Variants in CIMAP1D observed in about 807,000 individuals in gnomAD.
CIMAP1D encodes CIMAP1 family member D, also known as protein CIMAP1D.
At chr19:490,992 C>T in the CIMAP1D span, among the ~76,000 whole-genome samples, 4 of 152,068 alleles carry the variant, frequency 2.6e-5, no homozygotes, top group East Asian at 7.7e-4. Context: ...CCAGCTACTC[C>T]GGAGTCTGAG....
At chr19:490,358 A>T in the CIMAP1D span, 1 of 193,898 alleles carries the variant, frequency 5.2e-6, no homozygotes, top group African/African-American at 2.4e-5. Flanking sequence ...CTCCAGCTAA[A>T]AAAAAAAGAA....
chr19:481,436 G>GT, the CIMAP1D span, among the ~76,000 whole-genome samples: 1 of 78,526 alleles, frequency 1.3e-5, no homozygotes. Context: ...GAAGGATGAT[G>GT]GGGAAGGATG....
chr19:478,051 C>T, the CIMAP1D span, among the ~76,000 whole-genome samples: 1 of 152,248 alleles, frequency 6.6e-6, no homozygotes, highest in Non-Finnish European at 1.5e-5. Context: ...AGCCCACAGG[C>T]CCTGTCACTG....
At chr19:477,695 C>T in the CIMAP1D span, among the ~76,000 whole-genome samples, 3 of 152,246 alleles carry the variant, frequency 2.0e-5, no homozygotes, top group Non-Finnish European at 4.4e-5. Context: ...CGGAGTCTCG[C>T]TCTGTCGCCC....
chr19:469,286 T>C, the CIMAP1D span, among the ~76,000 whole-genome samples: 11 of 151,044 alleles, frequency 7.3e-5, no homozygotes, highest in Non-Finnish European at 1.6e-4. Context: ...CAGTGGCTCA[T>C]GGCTCACTGC....
chr19:470,814 G>A, the CIMAP1D span, among the ~76,000 whole-genome samples: 10 of 152,350 alleles, frequency 6.6e-5, no homozygotes, highest in African/African-American at 2.4e-4. Flanking sequence ...TGGTAGCAGC[G>A]CCACTGATGA....
the CIMAP1D span, chr19:474,661 G>A: frequency 2.3e-5 from 37 of 1,582,468 alleles, no homozygotes; most frequent in East Asian, 4.7e-5. Context: ...TCCTCAGGCC[G>A]GTCTCCGGAA....
chr19:490,363 AAAG>A, the CIMAP1D span: 15 of 175,992 alleles, frequency 8.5e-5, no homozygotes, highest in African/African-American at 2.4e-4. Context: ...GCTAAAAAAA[AAAG>A]AAAGAAAGAA....
At chr19:466,782 T>TGGA in the CIMAP1D span, among the ~76,000 whole-genome samples, 1 of 104,736 alleles carries the variant, frequency 9.5e-6, no homozygotes, top group Admixed American at 1.1e-4. Context: ...GATGAGTGGA[T>TGGA]TGATGGATGG....
At chr19:476,513 T>C in the CIMAP1D span, among the ~76,000 whole-genome samples, 1 of 152,180 alleles carries the variant, frequency 6.6e-6, no homozygotes, top group Non-Finnish European at 1.5e-5. Context: ...TTAACAGCTT[T>C]ATTGATATAA....
chr19:489,357 C>G, the CIMAP1D span: 1 of 153,620 alleles, frequency 6.5e-6, no homozygotes, highest in African/African-American at 2.4e-5. Context: ...CGGCCCCGAC[C>G]TCTGACCCGC....
chr19:467,310 G>A, the CIMAP1D span, among the ~76,000 whole-genome samples: 2 of 151,934 alleles, frequency 1.3e-5, no homozygotes, highest in African/African-American at 4.8e-5. Flanking sequence ...AGGCAGGTGT[G>A]TCAGGTGTGC....
the CIMAP1D span, chr19:467,864 G>T: frequency 1.4e-6 from 1 of 712,302 alleles, no homozygotes; most frequent in Non-Finnish European, 2.4e-6. Flanking sequence ...CTCCCACCAG[G>T]TCAGAGGCCA....
the CIMAP1D span, among the ~76,000 whole-genome samples, chr19:488,931 G>T: frequency 1.3e-5 from 2 of 152,146 alleles, no homozygotes; most frequent in African/African-American, 4.8e-5. Flanking sequence ...GACCGACCAC[G>T]GGGCGAGACA....
chr19:473,230 ATGGT>A, the CIMAP1D span, among the ~76,000 whole-genome samples: 2 of 26,602 alleles, frequency 7.5e-5, no homozygotes, highest in Non-Finnish European at 1.2e-4. Context: ...GCAGAGATAC[ATGGT>A]CACAGATGGG....
chr19:475,722 G>T, the CIMAP1D span, among the ~76,000 whole-genome samples: 1 of 151,974 alleles, frequency 6.6e-6, no homozygotes, highest in Non-Finnish European at 1.5e-5. Flanking sequence ...TGAGATGCAC[G>T]TTCCTGTCTC....
the CIMAP1D span, among the ~76,000 whole-genome samples, chr19:476,911 A>G: frequency 6.6e-6 from 1 of 152,234 alleles, no homozygotes; most frequent in Non-Finnish European, 1.5e-5. Context: ...TTAAATTTTT[A>G]TATGAGAAAA....
At chr19:484,133 CTTTTTCTTTTT>C in the CIMAP1D span, among the ~76,000 whole-genome samples, 1 of 137,044 alleles carries the variant, frequency 7.3e-6, no homozygotes, top group East Asian at 2.7e-4. Context: ...CTTTTCTTTT[CTTTTTCTTTTT>C]TTTTTTTTTT....
the CIMAP1D span, chr19:474,506 G>A: frequency 6.3e-6 from 7 of 1,112,578 alleles, no homozygotes; most frequent in Non-Finnish European, 8.3e-6. Flanking sequence ...GGAAGGGCAA[G>A]GACTTGCCTG....
Sources: gnomAD v4.1 joint callset for allele counts (sites outside exome capture counted in the v4.1 genomes callset) on GRCh38, gnomAD v4.1.1 for gene constraint, MANE v1.5 for transcripts, NCBI Gene and HGNC (gene_info 2026-07-23, HGNC 2026-07-21) for gene names.